Variants in MICAL3 observed in about 807,000 individuals in gnomAD.
MICAL3 encodes the protein [F-actin]-monooxygenase MICAL3.
Under a neutral mutation model 207.4 loss-of-function variants are expected in MICAL3, and 62 were observed. The ratio of observed to expected loss-of-function variants is 0.30; its 90% confidence interval spans 0.24 to 0.37. MICAL3 has a LOEUF of 0.37. Ranked by LOEUF, MICAL3 falls within the 10% of genes least tolerant of loss-of-function variation. The pLI, the probability that MICAL3 is intolerant of heterozygous loss-of-function variation, is 1.00. For synonymous variants in MICAL3, 1,077 were observed against 1,069.3 expected (o/e 1.01, Z -0.14); for missense variants, 2,368 against 2,635.6 (o/e 0.90, Z 2.22).
chr22:17,865,820 A>G lies in MICAL3; in HGVS notation c.2517+104T>C. 9 of 873,606 alleles carry G rather than the reference A, an allele frequency of 1.0e-5. No individual in the cohort carries two copies. The South Asian group carries it at 1.2e-4, about 12-fold the overall frequency. The allele number at this position is 873,606 out of a possible 1,614,324, so 54.1% of individuals were successfully genotyped here. A position where few individuals can be genotyped will look rare whatever the true frequency, so the allele number is the denominator to read the frequency against. ...TTCGGGCCCTCCCCGTTCCCAGGAGAGGCAAGGACGCAGGGGCATTTGCAG... is the reference window on the plus strand; with the variant it reads ...TTCGGGCCCTCCCCGTTCCCAGGAGGGGCAAGGACGCAGGGGCATTTGCAG... On this transcript the variant is annotated intron_variant, in intron 18 of 31. Transcript: ENST00000441493.
chr22:17,894,067 G>T (rs763546542), intron 10 of MICAL3, among the ~76,000 whole-genome samples, 163 bp from the exon 11 acceptor site: 1 of 152,146 alleles, frequency 6.6e-6, no homozygotes, highest in Non-Finnish European at 1.5e-5. Context: ...GAAATAAGGT[G>T]GGGTTTGAGA....
intron 1 of MICAL3, among the ~76,000 whole-genome samples, chr22:17,952,316 C>T (rs1934387468): frequency 6.6e-6 from 1 of 152,186 alleles, no homozygotes; most frequent in Admixed American, 6.5e-5. Flanking sequence ...CCCTCCAACA[C>T]AACCTTGTGT....
At chr22:18,010,372 G>T (rs1025467855) in intron 1 of MICAL3, among the ~76,000 whole-genome samples, 17 of 152,128 alleles carry the variant, frequency 1.1e-4, no homozygotes, top group African/African-American at 4.1e-4. Flanking sequence ...CAAGGCACTT[G>T]TCTGGTTGCT....
rs1216853210 is a variant in MICAL3 at position 17,885,989 on chromosome 22, C to T, written c.2130G>A (p.Arg710=). 1 of 1,613,934 alleles carries T rather than the reference C, an allele frequency of 6.2e-7. No homozygotes were observed. The highest frequency in any genetic ancestry group is 1.3e-5 in the African/African-American group (1 of 74,944). Residue 710 remains arginine, a synonymous_variant, in exon 16 of 32, where the codon AGG becomes AGA. Transcript: ENST00000441493. ...RPTLVSTLTD[R]RMDVAVGNQN... is the part of the protein sequence containing the mutation. Reference sequence around the variant, plus strand: ...GGTTCCCAACGGCAACGTCCATCCTCCTGTCTGTCAGAGTGCTCACCAGGG... The same window carrying T: ...GGTTCCCAACGGCAACGTCCATCCTTCTGTCTGTCAGAGTGCTCACCAGGG...
intron 1 of MICAL3, among the ~76,000 whole-genome samples, chr22:17,996,709 C>T (rs556823089): frequency 1.2e-4 from 19 of 152,274 alleles, no homozygotes; most frequent in Middle Eastern, 6.8e-3. Flanking sequence ...TGACAGAGTG[C>T]GTGGCTGGAG....
intron 16 of MICAL3, among the ~76,000 whole-genome samples, chr22:17,882,157 C>G (rs1387208907): frequency 1.3e-5 from 2 of 152,118 alleles, no homozygotes; most frequent in Non-Finnish European, 2.9e-5. Flanking sequence ...ATGCACAGAG[C>G]TTGCCTTTGG....
At chr22:17,798,714 C>T (rs1209619494) in intron 29 of MICAL3, among the ~76,000 whole-genome samples, 2 of 141,784 alleles carry the variant, frequency 1.4e-5, no homozygotes, top group Non-Finnish European at 3.0e-5. Flanking sequence ...CCCTCTGTCA[C>T]CCAGGCTGGA....
chr22:17,944,973 C>T (rs1933987580), intron 1 of MICAL3, among the ~76,000 whole-genome samples: 1 of 150,196 alleles, frequency 6.7e-6, no homozygotes, highest in Non-Finnish European at 1.5e-5. Flanking sequence ...TCAAATGCCA[C>T]TAAATATGAA....
intron 1 of MICAL3, among the ~76,000 whole-genome samples, chr22:17,989,537 C>T (rs534691117): frequency 9.9e-5 from 15 of 152,202 alleles, no homozygotes; most frequent in African/African-American, 3.6e-4. Context: ...CTCCTCGCTG[C>T]CCCTGAATGC....
In MICAL3 at chr22:17,845,865, A is replaced by G. The variant is rs543232632; in HGVS notation, c.2606-3848T>C. ...ACAGCACTTCATGAAAGCTTCTTGG[A>G]GCAGAGAATCTGGCATCTGGAATGA... On this transcript the variant is annotated intron_variant, in intron 19 of 31. Transcript: ENST00000441493. Among the ~76,000 whole-genome samples the G allele has an allele frequency of 3.9e-5, 6 of 152,284 alleles. No homozygotes were observed. The East Asian group carries it at 1.2e-3, about 29-fold the overall frequency.
At chr22:17,951,703 T>G (rs1261333641) in intron 1 of MICAL3, among the ~76,000 whole-genome samples, 6 of 146,760 alleles carry the variant, frequency 4.1e-5, no homozygotes, top group African/African-American at 1.5e-4. Flanking sequence ...ATTTCTTTCT[T>G]TTTTTTTTTT....
At chr22:17,929,753 G>C (rs1303651834) in intron 1 of MICAL3, among the ~76,000 whole-genome samples, 3 of 151,946 alleles carry the variant, frequency 2.0e-5, no homozygotes, top group African/African-American at 7.3e-5. Context: ...ATTTTTAGTA[G>C]AGACAGGGTT....
rs531564794 is a variant in MICAL3 at position 17,930,995 on chromosome 22, C to T, written c.-74-24109G>A. 4.6e-5 allele frequency among the ~76,000 whole-genome samples: 7 copies of T among 152,320 alleles called. No homozygotes were observed. The East Asian group carries it at 1.2e-3, about 25-fold the overall frequency. On this transcript the variant is annotated intron_variant, in intron 1 of 31. Coordinates refer to ENST00000441493, the MANE Select transcript of MICAL3 (RefSeq NM_015241.3). ...CAGCGCCTCCCAACGCCCCCTCCTC[C>T]GGTGGCTCCACCTCCGCAACAGACC...
rs796547093 is a variant in MICAL3, at chr22:17,978,517, C to CT, written c.-75+45763dup. On this transcript the variant is annotated intron_variant, in intron 1 of 31. Transcript: ENST00000441493. ...TATAATAAAACCATTGAACTGTACA[C>CT]TTTTTTTTTTTTTTGAGACAGAGTC... Among the ~76,000 whole-genome samples, 886 of 144,274 alleles carry CT rather than the reference C, an allele frequency of 6.1e-3. 8 individuals carry two copies. The highest frequency in any genetic ancestry group is 0.012 in the African/African-American group (475 of 39,736). 94.6% of individuals were successfully genotyped at this position (144,274 alleles called of 152,430 possible).
At chr22:17,901,857 C>T (rs1278440699) in intron 5 of MICAL3, 21 bp downstream of exon 5, 2 of 1,587,354 alleles carry the variant, frequency 1.3e-6, no homozygotes, top group South Asian at 1.1e-5. Context: ...ATGAGCCAGG[C>T]AGAGGAGCAC....
At chr22:17,877,124 T>G (rs1261615757) in intron 16 of MICAL3, among the ~76,000 whole-genome samples, 7 of 138,294 alleles carry the variant, frequency 5.1e-5, no homozygotes, top group Non-Finnish European at 7.9e-5. Context: ...TTAGGGAGGT[T>G]ATGGAGGTTA....
chr22:17,970,800 T>C (rs1569152005), intron 1 of MICAL3, among the ~76,000 whole-genome samples: 1 of 151,816 alleles, frequency 6.6e-6, no homozygotes, highest in African/African-American at 2.4e-5. Flanking sequence ...GTTACGTCTT[T>C]CCTATTATAT....
intron 17 of MICAL3, among the ~76,000 whole-genome samples, chr22:17,866,608 C>CAGCATAGAAT (rs1927145608): frequency 8.1e-6 from 1 of 123,108 alleles, no homozygotes; most frequent in African/African-American, 3.3e-5. Context: ...CAGCATAGAA[C>CAGCATAGAAT]AGAACAGAAT....
intron 19 of MICAL3, among the ~76,000 whole-genome samples, chr22:17,857,030 A>C (rs1247422273): frequency 2.0e-5 from 3 of 152,216 alleles, no homozygotes; most frequent in Non-Finnish European, 2.9e-5. Flanking sequence ...TTAGAGTCTT[A>C]GTTCTGGGGA....
Sources: gnomAD v4.1 joint callset for allele counts (sites outside exome capture counted in the v4.1 genomes callset) on GRCh38, gnomAD v4.1.1 for gene constraint, MANE v1.5 for transcripts, NCBI Gene and HGNC (gene_info 2026-07-23, HGNC 2026-07-21) for gene names.